TTC39C: variants seen among roughly 807,000 people sequenced by gnomAD.
The protein encoded by TTC39C is tetratricopeptide repeat domain 39C, also known as tetratricopeptide repeat protein 39C.
A neutral mutation model predicts 76.3 loss-of-function variants in TTC39C; 33 were observed. The observed-to-expected ratio is 0.43, with a 90% confidence interval of 0.33 to 0.58. The LOEUF is 0.58. TTC39C is among the 20% of genes least tolerant of loss of function. The probability of loss-of-function intolerance (pLI) is 0.04; values close to 1 mark genes in which losing one functional copy is unlikely to be tolerated. For synonymous variants in TTC39C, 254 were observed against 260.6 expected (o/e 0.97, Z 0.24); for missense variants, 595 against 701.4 (o/e 0.85, Z 1.71).
chr18:24,025,711 A>G (rs888161193), intron 1 of TTC39C, among the ~76,000 whole-genome samples: 7 of 152,112 alleles, frequency 4.6e-5, no homozygotes, highest in Admixed American at 1.3e-4. Context: ...CAGGTTTGCA[A>G]AATGTCTCCA....
At chr18:24,092,127 A>C (rs7239340) in intron 6 of TTC39C, among the ~76,000 whole-genome samples, 10,439 of 130,608 alleles carry the variant, frequency 0.08, 865 homozygotes, top group African/African-American at 0.16. Context: ...AAAAAAAAAT[A>C]ATAATAATAG....
At chr18:24,123,377 A>C (rs2084999582) in intron 8 of TTC39C, among the ~76,000 whole-genome samples, 1 of 135,366 alleles carries the variant, frequency 7.4e-6, no homozygotes, top group Non-Finnish European at 1.6e-5. Context: ...TTTGTGGAAC[A>C]GTCTTTTTTT....
At chr18:24,109,539 T>C (rs772736583) in intron 6 of TTC39C, among the ~76,000 whole-genome samples, 1 of 152,206 alleles carries the variant, frequency 6.6e-6, no homozygotes, top group South Asian at 2.1e-4. Context: ...GATTTAAACA[T>C]TTAATTATTC....
intron 1 of TTC39C, among the ~76,000 whole-genome samples, chr18:24,017,512 T>C (rs2083468010): frequency 6.6e-6 from 1 of 152,260 alleles, no homozygotes; most frequent in South Asian, 2.1e-4. Context: ...TCCCCGCTAG[T>C]ATTGTGTTTT....
chr18:24,024,632 C>T (rs929903109), intron 1 of TTC39C, among the ~76,000 whole-genome samples: 1 of 152,038 alleles, frequency 6.6e-6, no homozygotes, highest in Admixed American at 6.6e-5. Context: ...TATTAATTTC[C>T]TGTGTTAAGA....
At chr18:24,032,697 G>A (rs1039544703) in intron 1 of TTC39C, among the ~76,000 whole-genome samples, 2 of 152,186 alleles carry the variant, frequency 1.3e-5, no homozygotes, top group East Asian at 3.8e-4. Flanking sequence ...CAGCATGCCA[G>A]CCCTCAAAAA....
intron 1 of TTC39C, among the ~76,000 whole-genome samples, chr18:24,052,324 T>C (rs2083960876): frequency 1.3e-5 from 2 of 152,200 alleles, no homozygotes; most frequent in Non-Finnish European, 2.9e-5. Flanking sequence ...GGCGTATTCT[T>C]GGTCATCTTT....
At chr18:24,023,977 TATA>T (rs1568408964) in intron 1 of TTC39C, among the ~76,000 whole-genome samples, 298 of 13,978 alleles carry the variant, frequency 0.021, 7 homozygotes, top group Non-Finnish European at 0.036. Context: ...TATATATATA[TATA>T]CATATATATA....
chr18:24,096,107 T>C (rs1458532501), intron 6 of TTC39C, among the ~76,000 whole-genome samples: 2 of 152,090 alleles, frequency 1.3e-5, no homozygotes, highest in Non-Finnish European at 2.9e-5. Flanking sequence ...ATAACAAATA[T>C]AGCAGTCATG....
At chr18:24,085,381 A>T (rs531729269) in intron 6 of TTC39C, among the ~76,000 whole-genome samples, 1 of 152,322 alleles carries the variant, frequency 6.6e-6, no homozygotes, top group African/African-American at 2.4e-5. Flanking sequence ...ATATTTTGTT[A>T]TACTTGCCAT....
chr18:24,101,571 A>G (rs976448750), intron 6 of TTC39C, among the ~76,000 whole-genome samples: 5 of 148,390 alleles, frequency 3.4e-5, no homozygotes, highest in Admixed American at 6.7e-5. Flanking sequence ...AAAAAAAAAA[A>G]CATCCACATA....
chr18:24,008,149 C>T (rs1420678248), intron 1 of TTC39C, among the ~76,000 whole-genome samples: 1 of 152,150 alleles, frequency 6.6e-6, no homozygotes, highest in Non-Finnish European at 1.5e-5. Flanking sequence ...CCTCTGAGTC[C>T]AACTCATCCC....
chr18:24,118,074 T>C (rs1203658433), intron 7 of TTC39C, 51 bp from the exon 8 acceptor site: 1 of 1,481,392 alleles, frequency 6.8e-7, no homozygotes, highest in Non-Finnish European at 9.3e-7. Context: ...TAAATATGGG[T>C]CATAGAGCTC....
At chr18:23,996,847 C>T (rs751198046) in intron 1 of TTC39C, among the ~76,000 whole-genome samples, 17 of 151,502 alleles carry the variant, frequency 1.1e-4, no homozygotes, top group Non-Finnish European at 2.1e-4. Context: ...CAGTGGCTCA[C>T]GCCTGTAATC....
At chr18:24,039,799 T>C (rs568018130) in intron 1 of TTC39C, among the ~76,000 whole-genome samples, 1 of 152,334 alleles carries the variant, frequency 6.6e-6, no homozygotes, top group African/African-American at 2.4e-5. Flanking sequence ...TGAAATGTTA[T>C]AGGAGGTAGA....
At chr18:24,129,171 T>A (rs1247302356) in intron 11 of TTC39C, among the ~76,000 whole-genome samples, 188 bp downstream of exon 11, 4 of 152,370 alleles carry the variant, frequency 2.6e-5, no homozygotes, top group South Asian at 4.1e-4. Flanking sequence ...TAGTTTTTAA[T>A]TAACTTCATA....
At position 24,066,083 on chromosome 18, in the gene TTC39C, G is replaced by A. The variant is rs865897706; in HGVS notation, c.288G>A (p.Leu96=). The A allele has an allele frequency of 1.3e-6, 2 of 1,598,214 alleles. No individual in the cohort carries two copies. Among genetic ancestry groups the A allele is most frequent in the Admixed American group, 1.8e-5 (1 of 54,770 alleles). The change falls in exon 3 of 14, where the codon CTG becomes CTA. Residue 96 remains leucine (L), a synonymous_variant. Transcript: ENST00000317571. ...ATGACTTAAAAACCACAGAAAAACT[G>A]TGTGAAAGTGAAGAGGCTGGAGTAA... ...ACDDLKTTEK[L]CESEEAGVIE... is the part of the protein sequence containing the mutation.
chr18:24,030,518 AT>A (rs1177768807), intron 1 of TTC39C, among the ~76,000 whole-genome samples: 2 of 152,216 alleles, frequency 1.3e-5, no homozygotes, highest in Non-Finnish European at 2.9e-5. Flanking sequence ...CTTTGCTTAA[AT>A]GCCTGCACAG....
At chr18:24,025,245 G>A (rs2083585978) in intron 1 of TTC39C, among the ~76,000 whole-genome samples, 1 of 152,176 alleles carries the variant, frequency 6.6e-6, no homozygotes, top group African/African-American at 2.4e-5. Flanking sequence ...AGAATATTGG[G>A]TGGCAGAAAT....
Sources: allele counts gnomAD v4.1 joint callset (sites outside exome capture counted in the v4.1 genomes callset), GRCh38; gene constraint gnomAD v4.1.1; transcripts MANE v1.5; gene names NCBI Gene and HGNC (gene_info 2026-07-23, HGNC 2026-07-21).